The following BICD1 variants were observed in gnomAD, a reference collection of about 807,000 sequenced individuals.
The protein encoded by BICD1 is protein bicaudal D homolog 1.
In BICD1, 35 loss-of-function variants were observed where a neutral mutation model predicts 92.5. The ratio of observed to expected loss-of-function variants is 0.38; its 90% confidence interval spans 0.29 to 0.50. BICD1 has a LOEUF of 0.50. Among genes scored for constraint, BICD1 ranks in the 20% least tolerant of loss-of-function variants. BICD1 has a pLI of 0.93. For missense variants in BICD1, 950 were observed against 1,189.8 expected, an observed-to-expected ratio of 0.80 and a Z score of 2.97; for synonymous variants, 429 against 465.1, an observed-to-expected ratio of 0.92 and a Z score of 1.00.
intron 2 of BICD1, among the ~76,000 whole-genome samples, chr12:32,271,641 G>A (rs1451860947): frequency 6.6e-6 from 1 of 152,118 alleles, no homozygotes; most frequent in African/African-American, 2.4e-5. Flanking sequence ...ATCCTGTTAA[G>A]CTTCCCCATA....
intron 4 of BICD1, among the ~76,000 whole-genome samples, chr12:32,316,162 G>C (rs572736984): frequency 2.0e-5 from 3 of 151,802 alleles, no homozygotes; most frequent in Non-Finnish European, 4.4e-5. Flanking sequence ...AAGGCTTTGA[G>C]TTAGATGATT....
chr12:32,257,716 G>A (rs1946758172), intron 2 of BICD1, among the ~76,000 whole-genome samples: 1 of 152,110 alleles, frequency 6.6e-6, no homozygotes, highest in Non-Finnish European at 1.5e-5. Flanking sequence ...TTGTAACAGA[G>A]AAAACTAAAA....
rs945989848 is a variant in BICD1, at chr12:32,216,379, C to T, written c.346C>T (p.Leu116=). The T allele has an allele frequency of 6.2e-7, 1 of 1,614,090 alleles. No homozygotes were observed. Among genetic ancestry groups the T allele is most frequent in the East Asian group, 2.2e-5 (1 of 44,880 alleles). ...LGKILEMQNE[L]KQSRAVVTNV... is the part of the protein sequence containing the mutation. ...GAAGATCTTGGAGATGCAGAACGAG[C>T]TGAAACAGAGCCGGGCTGTGGTCAC... Residue 116 remains leucine (L), a synonymous_variant, in exon 2 of 10, where the codon CTG becomes TTG. Transcript: ENST00000652176.
At chr12:32,174,626 T>C (rs920755129) in intron 1 of BICD1, among the ~76,000 whole-genome samples, 3 of 152,250 alleles carry the variant, frequency 2.0e-5, no homozygotes, top group African/African-American at 7.2e-5. Flanking sequence ...CTCTTGTCTA[T>C]ATTCACATCT....
At chr12:32,215,576 T>G (rs1270371611) in intron 1 of BICD1, among the ~76,000 whole-genome samples, 3 of 152,056 alleles carry the variant, frequency 2.0e-5, no homozygotes. Context: ...ATTTGTGAGA[T>G]TTTTTAAAAA....
intron 2 of BICD1, among the ~76,000 whole-genome samples, chr12:32,222,618 A>G (rs1241990705): frequency 6.6e-6 from 1 of 152,232 alleles, no homozygotes; most frequent in African/African-American, 2.4e-5. Context: ...CTAGAAAAGT[A>G]TATGAAGTTT....
chr12:32,302,408 C>G (rs923389506), intron 3 of BICD1, among the ~76,000 whole-genome samples: 4 of 152,126 alleles, frequency 2.6e-5, no homozygotes, highest in Admixed American at 6.5e-5. Context: ...ACACACCAGC[C>G]TGGGGAGCCC....
chr12:32,366,383 G>A (rs1246130352), intron 8 of BICD1, among the ~76,000 whole-genome samples: 1 of 152,242 alleles, frequency 6.6e-6, no homozygotes, highest in African/African-American at 2.4e-5. Flanking sequence ...ACTTTGGGAG[G>A]CCGAGGCAGG....
intron 3 of BICD1, among the ~76,000 whole-genome samples, chr12:32,303,935 C>T (rs889687784): frequency 7.2e-5 from 11 of 152,190 alleles, no homozygotes; most frequent in African/African-American, 2.6e-4. Flanking sequence ...ATTAGCCAGG[C>T]GTGGTGACGG....
intron 1 of BICD1, among the ~76,000 whole-genome samples, chr12:32,115,750 G>C (rs1208050062): frequency 6.6e-6 from 1 of 152,206 alleles, no homozygotes; most frequent in African/African-American, 2.4e-5. Flanking sequence ...ACAGTTTTGT[G>C]GGTAAATTAG....
rs78623345 is a variant in BICD1 at position 32,275,241 on chromosome 12, G to A, written c.427-18753G>A. ...TTATAAAATTATGCTAACTATGTTG[G>A]TTTTCATGTAGGCATAAGCTGGCTC... On this transcript the variant is annotated intron_variant, in intron 2 of 9. Transcript: ENST00000652176. 8.9e-3 allele frequency among the ~76,000 whole-genome samples: 1,359 copies of A among 152,260 alleles called. 43 individuals are homozygous for A. In the East Asian group the frequency reaches 0.11, roughly 12 times the overall value.
chr12:32,327,324 C>A lies in BICD1; in HGVS notation c.1006-137C>A, dbSNP rs1357292341. 5 of 1,082,902 alleles carry A rather than the reference C, an allele frequency of 4.6e-6. No individual in the cohort carries two copies. The African/African-American group carries it at 4.7e-5, about 10-fold the overall frequency. 67.1% of individuals were successfully genotyped at this position (1,082,902 alleles called of 1,614,324 possible). A position where few individuals can be genotyped will look rare whatever the true frequency, so the allele number is the denominator to read the frequency against. On this transcript the variant is annotated intron_variant, in intron 4 of 9. Coordinates refer to ENST00000652176, the MANE Select transcript of BICD1 (RefSeq NM_001714.4). ...CAGAACTGCTGAAATAAAAAACACT[C>A]CAATTTAATTTGAAATAGTGGGAAC...
intron 1 of BICD1, among the ~76,000 whole-genome samples, chr12:32,124,474 G>A (rs1330548430): frequency 2.0e-5 from 3 of 152,134 alleles, no homozygotes; most frequent in Non-Finnish European, 2.9e-5. Context: ...ATAACTATAA[G>A]TGGTAAGGAA....
At chr12:32,252,343 G>T (rs12320440) in intron 2 of BICD1, among the ~76,000 whole-genome samples, 13 of 150,956 alleles carry the variant, frequency 8.6e-5, no homozygotes, top group African/African-American at 3.2e-4. Flanking sequence ...CCTTCAGTCC[G>T]ATTCACATCA....
At chr12:32,340,575 AAGG>A (rs1938328000) in intron 8 of BICD1, 3 of 840,334 alleles carry the variant, frequency 3.6e-6, no homozygotes, top group African/African-American at 3.7e-5. Flanking sequence ...ACATCTCAAT[AAGG>A]TTAAAAATTA....
At chr12:32,268,981 G>C (rs1947069974) in intron 2 of BICD1, among the ~76,000 whole-genome samples, 1 of 152,166 alleles carries the variant, frequency 6.6e-6, no homozygotes, top group African/African-American at 2.4e-5. Flanking sequence ...ACTGTAGTGT[G>C]AATCAGAGGA....
intron 1 of BICD1, among the ~76,000 whole-genome samples, chr12:32,164,162 A>G (rs1315220584): frequency 1.3e-5 from 2 of 152,220 alleles, no homozygotes; most frequent in Non-Finnish European, 2.9e-5. Flanking sequence ...AGGAACTACC[A>G]GTCTACTTTC....
chr12:32,251,755 T>A (rs1401231518), intron 2 of BICD1, among the ~76,000 whole-genome samples: 1 of 151,602 alleles, frequency 6.6e-6, no homozygotes, highest in African/African-American at 2.4e-5. Flanking sequence ...TATACTTTCA[T>A]ATTTATGCAT....
At chr12:32,352,078 G>A (rs948907320) in intron 8 of BICD1, among the ~76,000 whole-genome samples, 9 of 148,404 alleles carry the variant, frequency 6.1e-5, no homozygotes, top group Non-Finnish European at 1.0e-4. Flanking sequence ...AGTGGCGGGC[G>A]CCTGTAATCC....
Sources: gnomAD v4.1 joint callset for allele counts (sites outside exome capture counted in the v4.1 genomes callset) on GRCh38, gnomAD v4.1.1 for gene constraint, MANE v1.5 for transcripts, NCBI Gene and HGNC (gene_info 2026-07-23, HGNC 2026-07-21) for gene names.